ACSS1: variants seen among roughly 807,000 people sequenced by gnomAD.
ACSS1 encodes acetyl-coenzyme A synthetase 2-like, mitochondrial.
Under a neutral mutation model 75.3 loss-of-function variants are expected in ACSS1, and 42 were observed. That is an observed-to-expected ratio of 0.56 (90% confidence interval 0.44 to 0.72). ACSS1 has a LOEUF of 0.72. Among genes scored for constraint, ACSS1 ranks in the 30% least tolerant of loss-of-function variants. The pLI is 0.00. For missense variants in ACSS1, 782 were observed against 935.7 expected, an observed-to-expected ratio of 0.84 and a Z score of 2.14; for synonymous variants, 380 against 376.8, an observed-to-expected ratio of 1.01 and a Z score of -0.10.
chr20:25,006,974 A>T lies in ACSS1; in HGVS notation c.*788T>A, dbSNP rs1179136816. 6.5e-7 allele frequency: 1 copy of T among 1,534,952 alleles called. No homozygotes were observed. Reference sequence around the variant, plus strand: ...TCTGGGGGCACAAAAATCTTTCTGGATCACAGCTTGAAGAAACAGAACATA... The same window carrying T: ...TCTGGGGGCACAAAAATCTTTCTGGTTCACAGCTTGAAGAAACAGAACATA... On this transcript the variant is annotated 3_prime_UTR_variant, in exon 14 of 14. Coordinates refer to ENST00000323482, the MANE Select transcript of ACSS1 (RefSeq NM_032501.4).
chr20:25,037,499 T>C (rs189038591), intron 2 of ACSS1, among the ~76,000 whole-genome samples: 1 of 152,378 alleles, frequency 6.6e-6, no homozygotes, highest in Admixed American at 6.5e-5. Context: ...TGTCTTGATA[T>C]GTGAAGGCCT....
At chr20:25,034,050 C>G (rs2088870319) in intron 2 of ACSS1, among the ~76,000 whole-genome samples, 4 of 138,540 alleles carry the variant, frequency 2.9e-5, no homozygotes, top group Admixed American at 2.8e-4. Context: ...AGGATTTGAT[C>G]CGGTAAATCT....
At chr20:25,033,673 GAGTGTCCTCC>G (rs2088864202) in intron 2 of ACSS1, among the ~76,000 whole-genome samples, 3 of 152,262 alleles carry the variant, frequency 2.0e-5, no homozygotes, top group Admixed American at 6.5e-5. Flanking sequence ...TTGACAGGGA[GAGTGTCCTCC>G]AGGAGCACAG....
At chr20:25,047,372 T>C (rs1041446728) in intron 2 of ACSS1, among the ~76,000 whole-genome samples, 1 of 145,900 alleles carries the variant, frequency 6.9e-6, no homozygotes, top group Admixed American at 6.9e-5. Flanking sequence ...TCAGCTGGAA[T>C]GTTGCCTCCT....
intron 3 of ACSS1, among the ~76,000 whole-genome samples, chr20:25,028,534 C>A (rs1412663325): frequency 6.6e-6 from 1 of 152,180 alleles, no homozygotes; most frequent in Non-Finnish European, 1.5e-5. Context: ...GCCTCTTTAG[C>A]AAATGGCGCT....
chr20:25,032,610 A>C, intron 2 of ACSS1: 5 of 1,233,116 alleles, frequency 4.1e-6, no homozygotes, highest in Non-Finnish European at 5.1e-6. Flanking sequence ...TGCCCTCTGC[A>C]GGGGCCCAGA....
At chr20:25,015,063 ACCCCAGT>A in intron 8 of ACSS1, 68 bp downstream of exon 8, 1 of 1,325,026 alleles carries the variant, frequency 7.5e-7, no homozygotes, top group South Asian at 1.3e-5. Flanking sequence ...GAGAGCTTGG[ACCCCAGT>A]CCCAGCCTCA....
intron 7 of ACSS1, among the ~76,000 whole-genome samples, chr20:25,018,854 T>C (rs931087205): frequency 6.6e-6 from 1 of 152,144 alleles, no homozygotes; most frequent in Non-Finnish European, 1.5e-5. Flanking sequence ...CCTCAGGAGC[T>C]CTCTCCATTA....
chr20:25,050,962 A>T (rs2089166952), intron 1 of ACSS1, among the ~76,000 whole-genome samples: 1 of 152,094 alleles, frequency 6.6e-6, no homozygotes, highest in African/African-American at 2.4e-5. Context: ...GCAGATCAGA[A>T]CAGAGCCCCA....
At position 25,057,917 on chromosome 20, in the gene ACSS1, A is replaced by G; in HGVS notation, c.186T>C (p.Ser62=). 1 of 1,610,948 alleles carries G rather than the reference A, an allele frequency of 6.2e-7. No homozygotes were observed. The highest frequency in any genetic ancestry group is 8.5e-7 in the Non-Finnish European group (1 of 1,179,102). Residue 62 remains serine (S), a synonymous_variant, in exon 1 of 14, where the codon AGT becomes AGC. Coordinates refer to ENST00000323482, the MANE Select transcript of ACSS1 (RefSeq NM_032501.4). ...AAQPGSYPAL[S]AQAAREPAAF... is the part of the protein sequence containing the mutation. ...CGGCCGGCTCCCGGGCTGCCTGTGC[A>G]CTCAGCGCGGGATACGAGCCTGGCT...
intron 2 of ACSS1, chr20:25,046,175 C>G (rs1053668727): frequency 1.3e-5 from 2 of 152,258 alleles, no homozygotes; most frequent in East Asian, 3.9e-4. Context: ...ATCCACCCAC[C>G]GTCCTCAAGT....
chr20:25,007,273 A>G lies in ACSS1; in HGVS notation c.*489T>C, dbSNP rs1474778959. ...TTTTCATAACTACATGTTAAAAAGAACATGTTCAAGTAAATCCACACACTA... is the reference window on the plus strand; with the variant it reads ...TTTTCATAACTACATGTTAAAAAGAGCATGTTCAAGTAAATCCACACACTA... On this transcript the variant is annotated 3_prime_UTR_variant, in exon 14 of 14. Coordinates refer to ENST00000323482, the MANE Select transcript of ACSS1 (RefSeq NM_032501.4). 8.9e-7 allele frequency: 1 copy of G among 1,126,300 alleles called. No individual in the cohort carries two copies. The highest frequency in any genetic ancestry group is 1.6e-5 in the African/African-American group (1 of 62,512). The allele number at this position is 1,126,300 out of a possible 1,614,324, so 69.8% of individuals were successfully genotyped here. A position where few individuals can be genotyped will look rare whatever the true frequency, so the allele number is the denominator to read the frequency against.
At chr20:25,029,739 A>T (rs867983600) in intron 3 of ACSS1, among the ~76,000 whole-genome samples, 2 of 152,258 alleles carry the variant, frequency 1.3e-5, no homozygotes, top group African/African-American at 4.8e-5. Context: ...GAAAAACTTC[A>T]GGTACTAGAT....
intron 2 of ACSS1, among the ~76,000 whole-genome samples, chr20:25,037,005 A>AAAGAAAGGAAGG (rs1555853782): frequency 7.6e-6 from 1 of 131,850 alleles, no homozygotes; most frequent in African/African-American, 3.0e-5. Context: ...AAGAAGAAAG[A>AAAGAAAGGAAGG]AAGGAAGGAA....
chr20:25,030,673 G>C (rs2088805832), intron 3 of ACSS1, 86 bp downstream of exon 3: 2 of 1,449,394 alleles, frequency 1.4e-6, no homozygotes, highest in Non-Finnish European at 1.9e-6. Context: ...TCTGCACTCT[G>C]ATGGTCTCTA....
chr20:25,013,068 C>G, intron 10 of ACSS1, 129 bp from the exon 11 acceptor site: 1 of 1,365,676 alleles, frequency 7.3e-7, no homozygotes, highest in Non-Finnish European at 1.0e-6. Context: ...CCTTGCAACT[C>G]CGATGCTTCC....
At chr20:25,045,363 C>G (rs995190700) in intron 2 of ACSS1, among the ~76,000 whole-genome samples, 2 of 152,130 alleles carry the variant, frequency 1.3e-5, no homozygotes, top group Non-Finnish European at 2.9e-5. Context: ...AGGGTAAAGG[C>G]CATGGGCACC....
chr20:25,049,600 A>G (rs939201079), intron 1 of ACSS1, among the ~76,000 whole-genome samples: 1 of 152,190 alleles, frequency 6.6e-6, no homozygotes, highest in South Asian at 2.1e-4. Flanking sequence ...TTGTCCAAAC[A>G]GGGCACTGGA....
At chr20:25,035,628 T>C (rs1182815914) in intron 2 of ACSS1, among the ~76,000 whole-genome samples, 1 of 152,128 alleles carries the variant, frequency 6.6e-6, no homozygotes, top group Non-Finnish European at 1.5e-5. Flanking sequence ...GGTCCTGAAC[T>C]CCTGACCTCA....
Sources: gnomAD v4.1 joint callset for allele counts (sites outside exome capture counted in the v4.1 genomes callset) on GRCh38, gnomAD v4.1.1 for gene constraint, MANE v1.5 for transcripts, NCBI Gene and HGNC (gene_info 2026-07-23, HGNC 2026-07-21) for gene names.